The following MAFA variants were observed in gnomAD, a reference collection of about 807,000 sequenced individuals.
MAFA encodes transcription factor MafA.
For synonymous variants in MAFA, 244 were observed against 260.3 expected (o/e 0.94, Z 0.60); for missense variants, 547 against 538.0 (o/e 1.02, Z -0.16).
Position 143,429,994 on chromosome 8 carries a change from G to A in MAFA, c.413C>T (p.Ala138Val). 2 of 1,349,848 alleles carry A rather than the reference G, an allele frequency of 1.5e-6. No homozygotes were observed. Among genetic ancestry groups the A allele is most frequent in the East Asian group, 3.3e-5 (1 of 29,918 alleles). 83.6% of individuals were successfully genotyped at this position (1,349,848 alleles called of 1,614,324 possible). Reference protein sequence around the residue: ...PEALNLTPEDAVEALIGSGHH... With the variant: ...PEALNLTPEDVVEALIGSGHH... ...GCCGCTGCCGATGAGCGCCTCCACC[G>A]CGTCCTCGGGCGTCAGGTTGAGCGC... Residue 138 changes from alanine to valine, a missense_variant, in exon 1 of 1, where the codon GCG (alanine) becomes GTG (valine). Transcript: ENST00000333480. This position sits in a 1 kb window ranked among gnomAD's most constrained non-coding sequence, Gnocchi z 5.9.
Position 143,429,284 on chromosome 8 carries a change from C to T in MAFA, c.*61G>A. 2 of 1,288,910 alleles carry T rather than the reference C, an allele frequency of 1.6e-6. No individual in the cohort carries two copies. The highest frequency in any genetic ancestry group is 5.3e-5 in the South Asian group (2 of 37,960). The allele number at this position is 1,288,910 out of a possible 1,614,324, so 79.8% of individuals were successfully genotyped here. A position where few individuals can be genotyped will look rare whatever the true frequency, so the allele number is the denominator to read the frequency against. On this transcript the variant is annotated 3_prime_UTR_variant, in exon 1 of 1. Coordinates refer to ENST00000333480, the MANE Select transcript of MAFA (RefSeq NM_201589.4). The surrounding 1 kb of genome is among the most constrained non-coding windows in gnomAD (Gnocchi z 5.9). ...CTGTACCGCGGAGTCCGAGCCGAGGCCCCGAGAGGCCTGCGCGAACTTGTC... is the reference window on the plus strand; with the variant it reads ...CTGTACCGCGGAGTCCGAGCCGAGGTCCCGAGAGGCCTGCGCGAACTTGTC...
At position 143,430,114 on chromosome 8, in the gene MAFA, C is replaced by T. The variant is rs540650393; in HGVS notation, c.293G>A (p.Ser98Asn). The T allele has an allele frequency of 1.9e-4, 215 of 1,113,280 alleles. No individual in the cohort carries two copies. The highest frequency in any genetic ancestry group is 2.2e-4 in the Non-Finnish European group (199 of 914,582). The allele number at this position is 1,113,280 out of a possible 1,614,324, so 69.0% of individuals were successfully genotyped here. Reference sequence around the variant, plus strand: ...GCCCCCGACGGCGCCGGGGCCCCCGCTCGGCGGCCCGGGGGCGCCCCCGGC... The same window carrying T: ...GCCCCCGACGGCGCCGGGGCCCCCGTTCGGCGGCCCGGGGGCGCCCCCGGC... ...SQAGGAPGPP[S>N]GGPGAVGGTS... The change falls in exon 1 of 1, where the codon AGC becomes AAC. Residue 98 changes from serine to asparagine, a missense_variant. Coordinates refer to ENST00000333480, the MANE Select transcript of MAFA (RefSeq NM_201589.4).
At position 143,429,647 on chromosome 8, in the gene MAFA, G is replaced by A. The variant is rs1414418705; in HGVS notation, c.760C>T (p.Arg254Trp). 1.9e-6 allele frequency: 3 copies of A among 1,587,898 alleles called. No homozygotes were observed. Among genetic ancestry groups the A allele is most frequent in the East Asian group, 2.3e-5 (1 of 43,952 alleles). The stretch of plus-strand genomic sequence containing the variant: ...AGCGTGCGCCGCTTCTGCTTGAGCC[G>A]GATGACCTCCTCCTTGCTGAAGCCG... ...LRGFSKEEVI[R>W]LKQKRRTLKN... The change falls in exon 1 of 1, where the codon CGG becomes TGG. Residue 254 changes from arginine to tryptophan, a missense_variant. Physicochemically the swap from Arg to Trp is moderately radical, Grantham distance 101. Transcript: ENST00000333480. The surrounding 1 kb of genome is among the most constrained non-coding windows in gnomAD (Gnocchi z 5.9).
At position 143,429,444 on chromosome 8, in the gene MAFA, G is replaced by T. The variant is rs767722821; in HGVS notation, c.963C>A (p.Gly321=). 3 of 1,568,166 alleles carry T rather than the reference G, an allele frequency of 1.9e-6. No individual in the cohort carries two copies. Among genetic ancestry groups the T allele is most frequent in the African/African-American group, 1.4e-5 (1 of 71,464 alleles). Reference sequence around the variant, plus strand: ...CGGCCCCGCCCGCGCTCCCGGGGCCGCCCCGGCCCGCCAGCTTCTCGTATT... The same window carrying T: ...CGGCCCCGCCCGCGCTCCCGGGGCCTCCCCGGCCCGCCAGCTTCTCGTATT... ...KEKYEKLAGR[G]GPGSAGGAGF... is the part of the protein sequence containing the mutation. The change falls in exon 1 of 1, where the codon GGC becomes GGA. Residue 321 remains glycine, a synonymous_variant. Transcript: ENST00000333480. This position sits in a 1 kb window ranked among gnomAD's most constrained non-coding sequence, Gnocchi z 5.9.
chr8:143,430,020 C>A lies in MAFA; in HGVS notation c.387G>T (p.Glu129Asp). 7.3e-7 allele frequency: 1 copy of A among 1,376,264 alleles called. No homozygotes were observed. Among genetic ancestry groups the A allele is most frequent in the East Asian group, 3.3e-5 (1 of 30,408 alleles). The allele number at this position is 1,376,264 out of a possible 1,614,324, so 85.3% of individuals were successfully genotyped here. A position where few individuals can be genotyped will look rare whatever the true frequency, so the allele number is the denominator to read the frequency against. The change falls in exon 1 of 1, where the codon GAG becomes GAT. Residue 129 changes from glutamate to aspartate, a missense_variant. By Grantham distance (45) the Glu-to-Asp change is conservative (BLOSUM62 2). Transcript: ENST00000333480. ...CGTCCTCGGGCGTCAGGTTGAGCGC[C>A]TCGGGGTTGAGGTGATGCTGGTAGC... The part of the protein sequence containing the change: ...MSGYQHHLNP[E>D]ALNLTPEDAV...
rs959293464 is a variant in MAFA, at chr8:143,428,938, A to C, written c.*407T>G. 6.2e-6 allele frequency: 1 copy of C among 162,564 alleles called. No homozygotes were observed. Among genetic ancestry groups the C allele is most frequent in the African/African-American group, 2.4e-5 (1 of 41,854 alleles). 10.1% of individuals were successfully genotyped at this position (162,564 alleles called of 1,614,324 possible). On this transcript the variant is annotated 3_prime_UTR_variant, in exon 1 of 1. Transcript: ENST00000333480. The stretch of plus-strand genomic sequence containing the variant: ...GGAGGGGAAGTTAAAAAAGGCAAGG[A>C]AAGGGAGGCTGAGAAGAGAACGAAG...
In MAFA at chr8:143,429,699, C is replaced by A. The variant is rs374635558; in HGVS notation, c.708G>T (p.Ser236=). 4.5e-6 allele frequency: 7 copies of A among 1,569,378 alleles called. No individual in the cohort carries two copies. Among genetic ancestry groups the A allele is most frequent in the East Asian group, 2.3e-5 (1 of 42,886 alleles). ...GGAGCTGCCGGTTCAGCTCGCGCAC[C>A]GACATGGACACCAGCTGGTCGTCGG... is the stretch of plus-strand genomic sequence containing the variant. The part of the protein sequence containing the change: ...RFSDDQLVSM[S]VRELNRQLRG... The change falls in exon 1 of 1, where the codon TCG becomes TCT. Residue 236 remains serine, a synonymous_variant. Coordinates refer to ENST00000333480, the MANE Select transcript of MAFA (RefSeq NM_201589.4). The surrounding 1 kb of genome is among the most constrained non-coding windows in gnomAD (Gnocchi z 5.9).
Position 143,428,530 on chromosome 8 carries a change from TG to T in MAFA, c.*814del, listed in dbSNP as rs1254938446. On this transcript the variant is annotated 3_prime_UTR_variant, in exon 1 of 1. Coordinates refer to ENST00000333480, the MANE Select transcript of MAFA (RefSeq NM_201589.4). ...ACTTCTCTTGAAGGTTAAAACAAGA[TG>T]TATTTCCCCAGGAGTTACAGATATG... 1 of 152,216 alleles carries T rather than the reference TG, an allele frequency of 6.6e-6. No individual in the cohort carries two copies. Among genetic ancestry groups the T allele is most frequent in the Non-Finnish European group, 1.5e-5 (1 of 68,050 alleles). 9.4% of individuals were successfully genotyped at this position (152,216 alleles called of 1,614,324 possible).
Position 143,430,225 on chromosome 8 carries a change from G to C in MAFA, c.182C>G (p.Ser61Cys). ...SSTPLSTPCS[S>C]VPSSPSFCAP... ...GCAGAAGCTGGGCGAGGAGGGCACG[G>C]AGGAGCAGGGCGTGCTGAGCGGCGT... Residue 61 changes from serine (S) to cysteine (C), a missense_variant, in exon 1 of 1, where the codon TCC (serine) becomes TGC (cysteine). Physicochemically the swap from Ser to Cys is moderately radical, Grantham distance 112 (BLOSUM62 -1). Coordinates refer to ENST00000333480, the MANE Select transcript of MAFA (RefSeq NM_201589.4). The C allele has an allele frequency of 7.2e-7, 1 of 1,382,400 alleles. No individual in the cohort carries two copies. The highest frequency in any genetic ancestry group is 9.5e-7 in the Non-Finnish European group (1 of 1,050,596). 85.6% of individuals were successfully genotyped at this position (1,382,400 alleles called of 1,614,324 possible).
In MAFA at chr8:143,428,624, A is replaced by AC. The variant is rs762027194; in HGVS notation, c.*720dup. ...CCCCACCCGACTGAGCACAGGACTC[A>AC]CCCCCCTCCCCCCACCCCCGGTTGA... On this transcript the variant is annotated 3_prime_UTR_variant, in exon 1 of 1. Transcript: ENST00000333480. 4.6e-5 allele frequency: 7 copies of AC among 151,054 alleles called. No individual in the cohort carries two copies. Among genetic ancestry groups the AC allele is most frequent in the African/African-American group, 1.7e-4 (7 of 41,022 alleles). 9.4% of individuals were successfully genotyped at this position (151,054 alleles called of 1,614,324 possible).
Position 143,428,709 on chromosome 8 carries a change from AG to A in MAFA, c.*635del, listed in dbSNP as rs1448986494. 2 of 151,942 alleles carry A rather than the reference AG, an allele frequency of 1.3e-5. No homozygotes were observed. Among genetic ancestry groups the A allele is most frequent in the East Asian group, 3.9e-4 (2 of 5,148 alleles). 9.4% of individuals were successfully genotyped at this position (151,942 alleles called of 1,614,324 possible). A position where few individuals can be genotyped will look rare whatever the true frequency, so the allele number is the denominator to read the frequency against. Reference sequence around the variant, plus strand: ...GTGACGTCCCTGGCTTCGACCTCCAAGGAACGCCGGTAGCAGGGTCGGGGGC... The same window carrying A: ...GTGACGTCCCTGGCTTCGACCTCCAAGAACGCCGGTAGCAGGGTCGGGGGC... On this transcript the variant is annotated 3_prime_UTR_variant, in exon 1 of 1. Coordinates refer to ENST00000333480, the MANE Select transcript of MAFA (RefSeq NM_201589.4).
In MAFA at chr8:143,430,367, T is replaced by G. The variant is rs754227415; in HGVS notation, c.40A>C (p.Ser14Arg). 1 of 1,427,698 alleles carries G rather than the reference T, an allele frequency of 7.0e-7. No individual in the cohort carries two copies. Among genetic ancestry groups the G allele is most frequent in the South Asian group, 1.2e-5 (1 of 80,298 alleles). The allele number at this position is 1,427,698 out of a possible 1,614,324, so 88.4% of individuals were successfully genotyped here. A position where few individuals can be genotyped will look rare whatever the true frequency, so the allele number is the denominator to read the frequency against. The change falls in exon 1 of 1, where the codon AGC (serine) becomes CGC (arginine). Residue 14 changes from serine to arginine, a missense_variant. Transcript: ENST00000333480. Reference sequence around the variant, plus strand: ...TTGACGTACTCGATGGCCAGCGGGCTGCTGGGCAGCTCGGCGCCCATCGCC... The same window carrying G: ...TTGACGTACTCGATGGCCAGCGGGCGGCTGGGCAGCTCGGCGCCCATCGCC... ...ELAMGAELPS[S>R]PLAIEYVNDF...
chr8:143,429,875 C>A lies in MAFA; in HGVS notation c.532G>T (p.Asp178Tyr). The A allele has an allele frequency of 7.6e-7, 1 of 1,321,024 alleles. No homozygotes were observed. Among genetic ancestry groups the A allele is most frequent in the Non-Finnish European group, 9.6e-7 (1 of 1,043,398 alleles). The allele number at this position is 1,321,024 out of a possible 1,614,324, so 81.8% of individuals were successfully genotyped here. A position where few individuals can be genotyped will look rare whatever the true frequency, so the allele number is the denominator to read the frequency against. Residue 178 changes from aspartate (D) to tyrosine (Y), a missense_variant, in exon 1 of 1, where the codon GAC becomes TAC. Transcript: ENST00000333480. This position sits in a 1 kb window ranked among gnomAD's most constrained non-coding sequence, Gnocchi z 5.9. ...GPGFAGGGGA[D>Y]DMGAGHHHGA... Reference sequence around the variant, plus strand: ...TGGTGGTGGCCGGCGCCCATGTCGTCCGCTCCGCCGCCGCCCGCGAAGCCC... The same window carrying A: ...TGGTGGTGGCCGGCGCCCATGTCGTACGCTCCGCCGCCGCCCGCGAAGCCC...
chr8:143,430,372 G>C lies in MAFA; in HGVS notation c.35C>G (p.Pro12Arg), dbSNP rs1330644387. The change falls in exon 1 of 1, where the codon CCC (proline) becomes CGC (arginine). Residue 12 changes from proline to arginine, a missense_variant. Pro to Arg is a moderately radical substitution (Grantham distance 103, BLOSUM62 -2). Coordinates refer to ENST00000333480, the MANE Select transcript of MAFA (RefSeq NM_201589.4). ...GTACTCGATGGCCAGCGGGCTGCTG[G>C]GCAGCTCGGCGCCCATCGCCAGCTC... Reference protein sequence around the residue: ...AAELAMGAELPSSPLAIEYVN... With the variant: ...AAELAMGAELRSSPLAIEYVN... The C allele has an allele frequency of 1.4e-6, 2 of 1,423,746 alleles. No homozygotes were observed. The highest frequency in any genetic ancestry group is 3.5e-5 in the East Asian group (1 of 28,606). 88.2% of individuals were successfully genotyped at this position (1,423,746 alleles called of 1,614,324 possible).
In MAFA at chr8:143,429,285, C is replaced by A; in HGVS notation, c.*60G>T. ...TGTACCGCGGAGTCCGAGCCGAGGCCCCGAGAGGCCTGCGCGAACTTGTCC... is the reference window on the plus strand; with the variant it reads ...TGTACCGCGGAGTCCGAGCCGAGGCACCGAGAGGCCTGCGCGAACTTGTCC... On this transcript the variant is annotated 3_prime_UTR_variant, in exon 1 of 1. Coordinates refer to ENST00000333480, the MANE Select transcript of MAFA (RefSeq NM_201589.4). The surrounding 1 kb of genome is among the most constrained non-coding windows in gnomAD (Gnocchi z 5.9). 1.5e-6 allele frequency: 2 copies of A among 1,291,966 alleles called. No homozygotes were observed. The highest frequency in any genetic ancestry group is 1.9e-6 in the Non-Finnish European group (2 of 1,028,846). The allele number at this position is 1,291,966 out of a possible 1,614,324, so 80.0% of individuals were successfully genotyped here.
At position 143,430,284 on chromosome 8, in the gene MAFA, G is replaced by C. The variant is rs1819520735; in HGVS notation, c.123C>G (p.Phe41Leu). 6.9e-6 allele frequency: 10 copies of C among 1,450,268 alleles called. No individual in the cohort carries two copies. The highest frequency in any genetic ancestry group is 9.2e-6 in the Non-Finnish European group (10 of 1,087,804). The allele number at this position is 1,450,268 out of a possible 1,614,324, so 89.8% of individuals were successfully genotyped here. ...GCGAGCCTGGCGGCAGGCGGTGGCA[G>C]AAGCGCTCGGCCTCGGGAGGCTCCT... ...VKKEPPEAER[F>L]CHRLPPGSLS... Residue 41 changes from phenylalanine (F) to leucine (L), a missense_variant, in exon 1 of 1, where the codon TTC becomes TTG. Transcript: ENST00000333480.
In MAFA at chr8:143,430,035, A is replaced by G; in HGVS notation, c.372T>C (p.His124=). Residue 124 remains histidine, a synonymous_variant, in exon 1 of 1, where the codon CAT becomes CAC. Coordinates refer to ENST00000333480, the MANE Select transcript of MAFA (RefSeq NM_201589.4). ...EDLYWMSGYQ[H]HLNPEALNLT... is the part of the protein sequence containing the mutation. Reference sequence around the variant, plus strand: ...GGTTGAGCGCCTCGGGGTTGAGGTGATGCTGGTAGCCGCTCATCCAGTACA... The same window carrying G: ...GGTTGAGCGCCTCGGGGTTGAGGTGGTGCTGGTAGCCGCTCATCCAGTACA... The G allele has an allele frequency of 1.5e-6, 2 of 1,369,386 alleles. No homozygotes were observed. The highest frequency in any genetic ancestry group is 1.9e-6 in the Non-Finnish European group (2 of 1,050,966). The allele number at this position is 1,369,386 out of a possible 1,614,324, so 84.8% of individuals were successfully genotyped here. A position where few individuals can be genotyped will look rare whatever the true frequency, so the allele number is the denominator to read the frequency against.
rs1202042991 is a variant in MAFA at position 143,430,728 on chromosome 8, C to T, written c.-322G>A. Among the ~76,000 whole-genome samples, 1 of 150,004 alleles carries T rather than the reference C, an allele frequency of 6.7e-6. No homozygotes were observed. Among genetic ancestry groups the T allele is most frequent in the Non-Finnish European group, 1.5e-5 (1 of 67,312 alleles). ...CGCCGCCGGCCGGCCCCGCCTCCCA[C>T]GGCTAAACGCGAAGCCGCGCGCGCC... On this transcript the variant is annotated 5_prime_UTR_variant, in exon 1 of 1. The change creates a new upstream start codon in the 5' untranslated region. Transcript: ENST00000333480.
In MAFA at chr8:143,428,974, G is replaced by C; in HGVS notation, c.*371C>G. The C allele has an allele frequency of 5.6e-6, 1 of 177,746 alleles. No homozygotes were observed. The allele number at this position is 177,746 out of a possible 1,614,324, so 11.0% of individuals were successfully genotyped here. A position where few individuals can be genotyped will look rare whatever the true frequency, so the allele number is the denominator to read the frequency against. The stretch of plus-strand genomic sequence containing the variant: ...GAGAAGAGAACGAAGGAGGGCGGGG[G>C]CAGGCAGGGGCCACCCGGGAAGGGA... On this transcript the variant is annotated 3_prime_UTR_variant, in exon 1 of 1. Transcript: ENST00000333480.
Sources: gnomAD v4.1 joint callset for allele counts (sites outside exome capture counted in the v4.1 genomes callset) on GRCh38, gnomAD v4.1.1 for gene constraint, Gnocchi (gnomAD v3.1) non-coding constraint, MANE v1.5 for transcripts, NCBI Gene and HGNC (gene_info 2026-07-23, HGNC 2026-07-21) for gene names.